TSPAN18: variants seen among roughly 807,000 people sequenced by gnomAD.
TSPAN18 encodes tetraspanin-18.
Under a neutral mutation model 27.3 loss-of-function variants are expected in TSPAN18, and 14 were observed. The ratio of observed to expected loss-of-function variants is 0.51; its 90% CI spans 0.34 to 0.80. TSPAN18 has a LOEUF of 0.80. TSPAN18 is among the 30% of genes least tolerant of loss of function. The pLI, the probability that TSPAN18 is intolerant of heterozygous loss-of-function variation, is 0.01. For missense variants in TSPAN18, 268 were observed against 323.9 expected (o/e 0.83, Z 1.32); for synonymous variants, 143 against 136.5 (o/e 1.05, Z -0.33).
chr11:44,816,458 T>C (rs1016209659), intron 2 of TSPAN18, among the ~76,000 whole-genome samples: 1 of 152,224 alleles, frequency 6.6e-6, no homozygotes, highest in Non-Finnish European at 1.5e-5. Flanking sequence ...CATCAGAGAA[T>C]AATAGCAGCT....
At chr11:44,825,518 C>T (rs1857020798) in intron 2 of TSPAN18, among the ~76,000 whole-genome samples, 1 of 152,166 alleles carries the variant, frequency 6.6e-6, no homozygotes, top group Non-Finnish European at 1.5e-5. Flanking sequence ...GGCTCTCAGG[C>T]TCCAGCAGAG....
chr11:44,731,917 A>G (rs901484727), intron 1 of TSPAN18, among the ~76,000 whole-genome samples: 1 of 152,210 alleles, frequency 6.6e-6, no homozygotes, highest in African/African-American at 2.4e-5. Context: ...TATGAAAACC[A>G]TATGTGCAGA....
chr11:44,780,174 C>T (rs1855905434), intron 2 of TSPAN18, among the ~76,000 whole-genome samples: 1 of 152,046 alleles, frequency 6.6e-6, no homozygotes, highest in Non-Finnish European at 1.5e-5. Flanking sequence ...TCAAATATGT[C>T]CTCCCTGCCT....
At chr11:44,792,753 C>G (rs1057488359) in intron 2 of TSPAN18, among the ~76,000 whole-genome samples, 1 of 152,122 alleles carries the variant, frequency 6.6e-6, no homozygotes. Flanking sequence ...ACCTCCACCC[C>G]GGGGAAGTAG....
intron 1 of TSPAN18, among the ~76,000 whole-genome samples, chr11:44,743,184 C>A (rs1193556123): frequency 3.3e-5 from 5 of 152,174 alleles, no homozygotes; most frequent in Non-Finnish European, 7.3e-5. Flanking sequence ...CATCTGGGCA[C>A]ATACGAATGC....
chr11:44,872,284 T>C (rs1345243936), intron 3 of TSPAN18, among the ~76,000 whole-genome samples: 3 of 152,214 alleles, frequency 2.0e-5, no homozygotes, highest in East Asian at 1.9e-4. Flanking sequence ...CCCATTCTTA[T>C]GATCTGACTG....
At chr11:44,847,476 T>C (rs1432227135) in intron 2 of TSPAN18, among the ~76,000 whole-genome samples, 1 of 152,256 alleles carries the variant, frequency 6.6e-6, no homozygotes, top group Non-Finnish European at 1.5e-5. Context: ...TTATCAGAAC[T>C]TCATTACTTT....
chr11:44,793,620 G>A (rs1856280554), intron 2 of TSPAN18, among the ~76,000 whole-genome samples: 1 of 152,216 alleles, frequency 6.6e-6, no homozygotes, highest in African/African-American at 2.4e-5. Context: ...GGATGCTGGT[G>A]AGAGTCACCA....
At chr11:44,754,987 A>C (rs1855298716) in intron 1 of TSPAN18, among the ~76,000 whole-genome samples, 1 of 152,206 alleles carries the variant, frequency 6.6e-6, no homozygotes, top group Non-Finnish European at 1.5e-5. Flanking sequence ...AGGAGGGCAC[A>C]CAGAGACCCT....
intron 3 of TSPAN18, among the ~76,000 whole-genome samples, chr11:44,891,683 G>C (rs1464160370): frequency 6.6e-6 from 1 of 152,186 alleles, no homozygotes; most frequent in African/African-American, 2.4e-5. Context: ...CCATGTGTGT[G>C]TATAGGGGGT....
chr11:44,849,661 G>A (rs569771152), intron 2 of TSPAN18, among the ~76,000 whole-genome samples: 3 of 150,220 alleles, frequency 2.0e-5, no homozygotes, highest in East Asian at 3.9e-4. Flanking sequence ...TGGGTGTCCC[G>A]TCCAGGAAAG....
intron 2 of TSPAN18, among the ~76,000 whole-genome samples, chr11:44,847,715 A>C (rs1410376560): frequency 6.6e-6 from 1 of 152,194 alleles, no homozygotes; most frequent in African/African-American, 2.4e-5. Context: ...ATCACTTTGA[A>C]CTTCTACACC....
At chr11:44,921,253 C>T (rs1490799061) in intron 8 of TSPAN18, among the ~76,000 whole-genome samples, 1 of 152,150 alleles carries the variant, frequency 6.6e-6, no homozygotes, top group African/African-American at 2.4e-5. Flanking sequence ...AGCTGCAGGG[C>T]GGGGAGGGGA....
intron 2 of TSPAN18, among the ~76,000 whole-genome samples, chr11:44,804,111 T>C (rs556653086): frequency 3.0e-4 from 46 of 152,286 alleles, no homozygotes; most frequent in African/African-American, 1.0e-3. Flanking sequence ...TTCTTTTTTT[T>C]TTCCCCCCAG....
chr11:44,845,774 T>C (rs899090374), intron 2 of TSPAN18, among the ~76,000 whole-genome samples: 8 of 152,232 alleles, frequency 5.3e-5, no homozygotes, highest in African/African-American at 1.9e-4. Flanking sequence ...CTGCCCTCTG[T>C]GCCGTCTCCT....
chr11:44,913,082 A>G (rs1859783477), intron 5 of TSPAN18, among the ~76,000 whole-genome samples: 1 of 152,230 alleles, frequency 6.6e-6, no homozygotes, highest in Non-Finnish European at 1.5e-5. Flanking sequence ...CCAACCGAAG[A>G]GGGCATGGAG....
intron 8 of TSPAN18, among the ~76,000 whole-genome samples, chr11:44,922,928 G>A (rs561506257): frequency 1.3e-5 from 2 of 152,276 alleles, no homozygotes; most frequent in African/African-American, 4.8e-5. Flanking sequence ...AGCCAACACG[G>A]AGAAACCCCG....
At chr11:44,860,937 G>A (rs1420345069) in intron 3 of TSPAN18, among the ~76,000 whole-genome samples, 2 of 152,172 alleles carry the variant, frequency 1.3e-5, no homozygotes, top group Non-Finnish European at 2.9e-5. Flanking sequence ...AAGCAAGACA[G>A]GCCATTTATT....
rs1859113830 is a variant in TSPAN18 at position 44,897,745 on chromosome 11, G to A, written c.-10-8662G>A. 3.9e-5 allele frequency: 50 copies of A among 1,285,800 alleles called. 1 individual carries two copies. In the South Asian group the frequency reaches 5.9e-4, roughly 15 times the overall value. The allele number at this position is 1,285,800 out of a possible 1,614,324, so 79.6% of individuals were successfully genotyped here. ...TAGTAATTGAATATTTTCTCTTATT[G>A]GACAAGCTGGGCCGATAAAAGAAAT... On this transcript the variant is annotated intron_variant, in intron 3 of 9. Coordinates refer to ENST00000520358, the MANE Select transcript of TSPAN18 (RefSeq NM_130783.5).
Sources: allele counts gnomAD v4.1 joint callset (sites outside exome capture counted in the v4.1 genomes callset), GRCh38; gene constraint gnomAD v4.1.1; transcripts MANE v1.5; gene names NCBI Gene and HGNC (gene_info 2026-07-23, HGNC 2026-07-21).